Variants in MAMDC2 observed in about 807,000 individuals in gnomAD.
MAMDC2 encodes MAM domain containing 2.
In MAMDC2, 57 loss-of-function variants were observed where a neutral mutation model predicts 89.8. The ratio of observed to expected loss-of-function variants is 0.63; its 90% confidence interval spans 0.51 to 0.79. The LOEUF is 0.79. Among genes scored for constraint, MAMDC2 ranks in the 30% least tolerant of loss-of-function variants. The pLI is 0.00. For missense variants in MAMDC2, 800 were observed against 820.6 expected (o/e 0.97, Z 0.31); for synonymous variants, 313 against 293.4 (o/e 1.07, Z -0.68).
At chr9:70,219,388 C>A (rs2033512463) in intron 12 of MAMDC2, among the ~76,000 whole-genome samples, 1 of 152,180 alleles carries the variant, frequency 6.6e-6, no homozygotes, top group Non-Finnish European at 1.5e-5. Flanking sequence ...AGTGTGACCT[C>A]CAACTAAAGG....
At chr9:70,112,565 T>A (rs1828538713) in intron 4 of MAMDC2, among the ~76,000 whole-genome samples, 1 of 152,156 alleles carries the variant, frequency 6.6e-6, no homozygotes, top group African/African-American at 2.4e-5. Flanking sequence ...GCTACGAGCA[T>A]AACCCTGAAC....
At chr9:70,212,221 C>A (rs1332346702) in intron 11 of MAMDC2, among the ~76,000 whole-genome samples, 1 of 152,246 alleles carries the variant, frequency 6.6e-6, no homozygotes, top group Admixed American at 6.5e-5. Context: ...GCCCTGCCCC[C>A]ACAGGTGGAG....
At chr9:70,101,394 A>G (rs185953732) in intron 2 of MAMDC2, among the ~76,000 whole-genome samples, 78 of 152,326 alleles carry the variant, frequency 5.1e-4, no homozygotes, top group African/African-American at 1.9e-3. Context: ...TAGCCTAAGT[A>G]TACAGTGTTT....
At chr9:70,149,332 G>A (rs2031511898) in intron 9 of MAMDC2, among the ~76,000 whole-genome samples, 1 of 152,028 alleles carries the variant, frequency 6.6e-6, no homozygotes, top group Non-Finnish European at 1.5e-5. Context: ...GTTTATGAGG[G>A]TTGCTCTTGG....
At chr9:70,117,680 A>T (rs2030074304) in intron 5 of MAMDC2, among the ~76,000 whole-genome samples, 1 of 152,194 alleles carries the variant, frequency 6.6e-6, no homozygotes, top group African/African-American at 2.4e-5. Flanking sequence ...ACTTTTCCCA[A>T]AATGTCCTTC....
At chr9:70,068,730 A>AC (rs946620581) in intron 2 of MAMDC2, among the ~76,000 whole-genome samples, 4 of 151,044 alleles carry the variant, frequency 2.6e-5, no homozygotes, top group Non-Finnish European at 4.4e-5. Context: ...CATCACAAAA[A>AC]AAAAAAAAAA....
intron 1 of MAMDC2, 116 bp downstream of exon 1, chr9:70,044,347 G>A (rs1359849008): frequency 1.7e-6 from 2 of 1,193,492 alleles, no homozygotes; most frequent in African/African-American, 1.5e-5. Flanking sequence ...GGCGCCTCCT[G>A]ATCCTCCGCA....
intron 7 of MAMDC2, among the ~76,000 whole-genome samples, chr9:70,134,583 C>A (rs932548065): frequency 7.2e-5 from 11 of 152,156 alleles, no homozygotes; most frequent in Admixed American, 2.6e-4. Context: ...TGGGTATATC[C>A]TAACACTCAT....
intron 7 of MAMDC2, among the ~76,000 whole-genome samples, chr9:70,138,238 C>T (rs1396220885): frequency 6.6e-6 from 1 of 152,134 alleles, no homozygotes; most frequent in African/African-American, 2.4e-5. Flanking sequence ...GACATAATTT[C>T]ATTGTTTTTA....
intron 2 of MAMDC2, among the ~76,000 whole-genome samples, chr9:70,098,119 T>A (rs1328382716): frequency 6.6e-6 from 1 of 152,226 alleles, no homozygotes; most frequent in Non-Finnish European, 1.5e-5. Context: ...TCATGACATG[T>A]ACACATTGCA....
At chr9:70,221,380 T>TATATAGAGAGAGAG in intron 12 of MAMDC2, among the ~76,000 whole-genome samples, 6 of 7,042 alleles carry the variant, frequency 8.5e-4, no homozygotes, top group African/African-American at 2.6e-3. Context: ...TATATATATA[T>TATATAGAGAGAGAG]AGAGAGAGAG....
At chr9:70,225,250 A>G (rs1332166156) in intron 12 of MAMDC2, among the ~76,000 whole-genome samples, 1 of 152,176 alleles carries the variant, frequency 6.6e-6, no homozygotes, top group Non-Finnish European at 1.5e-5. Flanking sequence ...GTGAACCATT[A>G]TCTTTGGTAA....
Position 70,055,305 on chromosome 9 carries a change from C to A in MAMDC2, c.148+10608C>A, listed in dbSNP as rs562359834. 4.6e-5 allele frequency among the ~76,000 whole-genome samples: 7 copies of A among 152,264 alleles called. No individual in the cohort carries two copies. The South Asian group carries it at 1.5e-3, about 32-fold the overall frequency. Reference sequence around the variant, plus strand: ...CATCATCTTTAACTTTCACAACAATCTTGAAGGTGGTTATTATCAGTATTT... The same window carrying A: ...CATCATCTTTAACTTTCACAACAATATTGAAGGTGGTTATTATCAGTATTT... On this transcript the variant is annotated intron_variant, in intron 2 of 13. Coordinates refer to ENST00000377182, the MANE Select transcript of MAMDC2 (RefSeq NM_153267.5).
chr9:70,188,784 T>TTTTTA (rs1554680332), intron 11 of MAMDC2: 7 of 149,018 alleles, frequency 4.7e-5, no homozygotes, highest in Non-Finnish European at 7.4e-5. Context: ...TTTTTTTTTT[T>TTTTTA]AGAAAGAAGT....
intron 4 of MAMDC2, among the ~76,000 whole-genome samples, chr9:70,110,515 G>C (rs918743567): frequency 3.9e-5 from 6 of 152,142 alleles, no homozygotes; most frequent in African/African-American, 1.2e-4. Context: ...GGAAGGCAAG[G>C]GTTCTCCATG....
chr9:70,170,311 G>A, intron 10 of MAMDC2, 168 bp from the exon 11 acceptor site: 1 of 558,540 alleles, frequency 1.8e-6, no homozygotes, highest in Non-Finnish European at 3.0e-6. Context: ...GTGGAATGCA[G>A]CCTCTAGCTG....
intron 5 of MAMDC2, among the ~76,000 whole-genome samples, chr9:70,124,958 G>A (rs1283629712): frequency 6.6e-6 from 1 of 152,140 alleles, no homozygotes; most frequent in Non-Finnish European, 1.5e-5. Context: ...CAATGCTCCC[G>A]CCTCAGCCTC....
chr9:70,174,981 C>A (rs1247977127), intron 11 of MAMDC2, among the ~76,000 whole-genome samples: 1 of 152,172 alleles, frequency 6.6e-6, no homozygotes. Flanking sequence ...CCACCTTGGC[C>A]TCCCAAAGTG....
intron 11 of MAMDC2, among the ~76,000 whole-genome samples, chr9:70,186,633 A>T (rs769130613): frequency 3.3e-5 from 5 of 152,116 alleles, no homozygotes; most frequent in African/African-American, 4.8e-5. Context: ...TATGATATGT[A>T]TTTGTCCACT....
Sources: gnomAD v4.1 joint callset for allele counts (sites outside exome capture counted in the v4.1 genomes callset) on GRCh38, gnomAD v4.1.1 for gene constraint, MANE v1.5 for transcripts, NCBI Gene and HGNC (gene_info 2026-07-23, HGNC 2026-07-21) for gene names.